The following BAIAP2L1 variants were observed in gnomAD, a reference collection of about 807,000 sequenced individuals.
BAIAP2L1 encodes BAR/IMD domain containing adaptor protein 2 like 1.
In BAIAP2L1, 35 loss-of-function variants were observed where a neutral mutation model predicts 66.3. That is an observed-to-expected ratio of 0.53 (90% CI 0.40 to 0.70). BAIAP2L1 has a LOEUF of 0.70. Ranked by LOEUF, BAIAP2L1 falls within the 30% of genes least tolerant of loss-of-function variation. The probability of loss-of-function intolerance (pLI) is 0.00; values close to 1 mark genes in which losing one functional copy is unlikely to be tolerated. For synonymous variants in BAIAP2L1, 269 were observed against 248.7 expected, an observed-to-expected ratio of 1.08 and a Z score of -0.77; for missense variants, 622 against 656.9, an observed-to-expected ratio of 0.95 and a Z score of 0.58.
rs929894741 is a variant in BAIAP2L1 at position 98,357,892 on chromosome 7, A to G, written c.128-2764T>C. ...GCACACAGCTCTGGCTGGGCACTTC[A>G]CTTCCTCAGCTCTAAATTATGGTGC... On this transcript the variant is annotated intron_variant, in intron 2 of 13. Transcript: ENST00000005260. Among the ~76,000 whole-genome samples the G allele has an allele frequency of 3.9e-5, 6 of 152,286 alleles. No homozygotes were observed. The South Asian group carries it at 1.2e-3, about 32-fold the overall frequency.
intron 3 of BAIAP2L1, among the ~76,000 whole-genome samples, chr7:98,345,068 G>C (rs1584472821): frequency 6.6e-6 from 1 of 152,182 alleles, no homozygotes; most frequent in Admixed American, 6.5e-5. Flanking sequence ...ATGAGGCTGA[G>C]GCAGGAGGGC....
chr7:98,389,556 G>T (rs1035386000), intron 1 of BAIAP2L1, among the ~76,000 whole-genome samples: 1 of 151,978 alleles, frequency 6.6e-6, no homozygotes. Context: ...CCTGACCTCA[G>T]GTGATCCGCC....
At chr7:98,391,068 T>C (rs1160972605) in intron 1 of BAIAP2L1, among the ~76,000 whole-genome samples, 3 of 151,310 alleles carry the variant, frequency 2.0e-5, no homozygotes, top group Non-Finnish European at 4.4e-5. Flanking sequence ...GGTCTCGATC[T>C]CTTGACCTCA....
chr7:98,310,910 T>C (rs190312089), intron 8 of BAIAP2L1, among the ~76,000 whole-genome samples: 5 of 152,070 alleles, frequency 3.3e-5, no homozygotes, highest in Admixed American at 3.3e-4. Context: ...GGTCTCAAAC[T>C]TCTGACCTCA....
intron 3 of BAIAP2L1, among the ~76,000 whole-genome samples, chr7:98,337,210 G>A (rs1442673637): frequency 1.3e-5 from 2 of 151,922 alleles, no homozygotes; most frequent in Non-Finnish European, 2.9e-5. Context: ...GACCAACCAG[G>A]ACCCAATTCT....
intron 3 of BAIAP2L1, among the ~76,000 whole-genome samples, chr7:98,328,919 G>A (rs1427352256): frequency 1.3e-5 from 2 of 152,106 alleles, no homozygotes; most frequent in Non-Finnish European, 2.9e-5. Context: ...AGGAAAAACT[G>A]TCAATCTCCT....
rs558803917 is a variant in BAIAP2L1 at position 98,358,133 on chromosome 7, T to C, written c.128-3005A>G. Among the ~76,000 whole-genome samples, 5 of 152,320 alleles carry C rather than the reference T, an allele frequency of 3.3e-5. No individual in the cohort carries two copies. In the South Asian group the frequency reaches 1.0e-3, roughly 32 times the overall value. ...AAAATGTTTGGTTTGCATCCACACA[T>C]GAAATCACAATTTTTCATTAATTGT... On this transcript the variant is annotated intron_variant, in intron 2 of 13. Coordinates refer to ENST00000005260, the MANE Select transcript of BAIAP2L1 (RefSeq NM_018842.5).
intron 1 of BAIAP2L1, among the ~76,000 whole-genome samples, chr7:98,394,493 C>A (rs556654495): frequency 1.3e-5 from 2 of 152,064 alleles, no homozygotes; most frequent in African/African-American, 4.8e-5. Flanking sequence ...CATCAGCAGG[C>A]CTGGAACAAA....
At chr7:98,310,184 T>G in intron 9 of BAIAP2L1, 2 of 409,422 alleles carry the variant, frequency 4.9e-6, no homozygotes. Flanking sequence ...TTCTCAACAG[T>G]ATGTTTACTC....
In BAIAP2L1 at chr7:98,293,429, G is replaced by C. The variant is rs1800050741; in HGVS notation, c.*92C>G. 8.1e-7 allele frequency: 1 copy of C among 1,228,700 alleles called. No individual in the cohort carries two copies. Among genetic ancestry groups the C allele is most frequent in the Non-Finnish European group, 1.2e-6 (1 of 841,660 alleles). The allele number at this position is 1,228,700 out of a possible 1,614,324, so 76.1% of individuals were successfully genotyped here. A position where few individuals can be genotyped will look rare whatever the true frequency, so the allele number is the denominator to read the frequency against. ...ATTAGAGTTAGGCCTCTCCACTGAA[G>C]CTTCCCGACCGTCAGCACGTGGCAG... On this transcript the variant is annotated 3_prime_UTR_variant, in exon 14 of 14. Transcript: ENST00000005260.
At chr7:98,380,304 T>C (rs1027812344) in intron 1 of BAIAP2L1, among the ~76,000 whole-genome samples, 2 of 152,094 alleles carry the variant, frequency 1.3e-5, no homozygotes, top group African/African-American at 4.8e-5. Flanking sequence ...CAGTCTGTTT[T>C]CATGCTGCTG....
rs1308020903 is a variant in BAIAP2L1, at chr7:98,307,691, C to T, written c.1161G>A (p.Lys387=). 1.2e-6 allele frequency: 2 copies of T among 1,613,828 alleles called. No homozygotes were observed. Among genetic ancestry groups the T allele is most frequent in the Admixed American group, 3.3e-5 (2 of 60,010 alleles). ...GGGACCATCACGCCCAGACTTACGC[C>T]TTGGACACGTCGTGTTCTCCATAGA... ...GWLYGEHDVS[K]ARGWFPSSYT... The change falls in exon 10 of 14, where the codon AAG becomes AAA. Residue 387 remains lysine (K), a splice_region_variant and synonymous_variant. Coordinates refer to ENST00000005260, the MANE Select transcript of BAIAP2L1 (RefSeq NM_018842.5).
intron 1 of BAIAP2L1, among the ~76,000 whole-genome samples, chr7:98,375,768 G>GA (rs1329195756): frequency 7.2e-6 from 1 of 138,420 alleles, no homozygotes. Flanking sequence ...AAAAAGAAAA[G>GA]AAAAAAAATT....
intron 1 of BAIAP2L1, among the ~76,000 whole-genome samples, chr7:98,375,286 C>T (rs745849289): frequency 6.6e-6 from 1 of 150,730 alleles, no homozygotes; most frequent in South Asian, 2.1e-4. Context: ...CCCAGCTACT[C>T]GGGAGGCTGA....
At chr7:98,355,869 G>A in intron 2 of BAIAP2L1, among the ~76,000 whole-genome samples, 1 of 152,132 alleles carries the variant, frequency 6.6e-6, no homozygotes, top group Non-Finnish European at 1.5e-5. Context: ...TCCTTTGATG[G>A]CAGTGCTTAA....
intron 2 of BAIAP2L1, among the ~76,000 whole-genome samples, chr7:98,360,935 G>A (rs1802255035): frequency 6.6e-6 from 1 of 152,098 alleles, no homozygotes; most frequent in Non-Finnish European, 1.5e-5. Context: ...ACACACAATG[G>A]TGCTCCTCCT....
intron 3 of BAIAP2L1, among the ~76,000 whole-genome samples, chr7:98,333,516 T>C (rs1195307130): frequency 6.6e-6 from 1 of 151,968 alleles, no homozygotes; most frequent in Non-Finnish European, 1.5e-5. Context: ...GGAGAATCAC[T>C]TCAACCTGGG....
chr7:98,293,975 G>T, intron 13 of BAIAP2L1, 99 bp downstream of exon 13: 4 of 1,387,410 alleles, frequency 2.9e-6, no homozygotes, highest in Non-Finnish European at 4.1e-6. Context: ...GCCTTTCTCA[G>T]GCTGGACCCC....
chr7:98,296,635 AAAAC>A (rs1220012884), intron 12 of BAIAP2L1, among the ~76,000 whole-genome samples: 1 of 152,220 alleles, frequency 6.6e-6, no homozygotes, highest in Non-Finnish European at 1.5e-5. Context: ...AAAAAACAAA[AAAAC>A]AAAAAACCAA....
Sources: allele counts gnomAD v4.1 joint callset (sites outside exome capture counted in the v4.1 genomes callset), GRCh38; gene constraint gnomAD v4.1.1; transcripts MANE v1.5; gene names NCBI Gene and HGNC (gene_info 2026-07-23, HGNC 2026-07-21).